CDH18: variants seen among roughly 807,000 people sequenced by gnomAD.
CDH18 encodes cadherin-18.
In CDH18, 31 loss-of-function variants were observed where a neutral mutation model predicts 67.9. That is an observed-to-expected ratio of 0.46 (90% CI 0.34 to 0.62). The LOEUF is 0.62. CDH18 is among the 20% of genes least tolerant of loss of function. CDH18 has a pLI of 0.01. For synonymous variants in CDH18, 362 were observed against 347.2 expected (o/e 1.04, Z -0.48); for missense variants, 890 against 975.5 (o/e 0.91, Z 1.17).
chr5:19,996,314 A>C (rs914394996), intron 2 of CDH18, among the ~76,000 whole-genome samples: 1 of 152,050 alleles, frequency 6.6e-6, no homozygotes, highest in African/African-American at 2.4e-5. Flanking sequence ...ATTTTCAGTA[A>C]ATTATCAGCA....
chr5:20,352,509 G>T (rs1024373175), intron 1 of CDH18, among the ~76,000 whole-genome samples: 7 of 151,676 alleles, frequency 4.6e-5, no homozygotes, highest in South Asian at 4.2e-4. Flanking sequence ...GACAGACACG[G>T]GTGGCTCACG....
chr5:20,169,784 GA>G (rs906927287), intron 2 of CDH18, among the ~76,000 whole-genome samples: 2 of 151,852 alleles, frequency 1.3e-5, no homozygotes, highest in African/African-American at 2.4e-5. Context: ...TTCAATTGGA[GA>G]AAAAAATGTA....
intron 1 of CDH18, among the ~76,000 whole-genome samples, chr5:20,398,562 C>T (rs1745474027): frequency 6.6e-6 from 1 of 152,106 alleles, no homozygotes; most frequent in Non-Finnish European, 1.5e-5. Flanking sequence ...AATGAAACGT[C>T]CTAATGCGGG....
At chr5:20,025,074 G>A (rs1489332326) in intron 2 of CDH18, among the ~76,000 whole-genome samples, 1 of 152,106 alleles carries the variant, frequency 6.6e-6, no homozygotes. Context: ...TGTTCCTTCT[G>A]CCCAAAATAG....
intron 2 of CDH18, among the ~76,000 whole-genome samples, chr5:20,075,379 T>G (rs1389199475): frequency 3.3e-5 from 5 of 152,144 alleles, no homozygotes; most frequent in Non-Finnish European, 7.3e-5. Context: ...GCTGTGTGGC[T>G]GTAGCCCCAG....
At chr5:20,107,220 A>G (rs1747028186) in intron 2 of CDH18, among the ~76,000 whole-genome samples, 1 of 151,952 alleles carries the variant, frequency 6.6e-6, no homozygotes, top group African/African-American at 2.4e-5. Flanking sequence ...AGCTGGGACT[A>G]CAGGCGCCCT....
At chr5:19,912,201 C>T (rs932227484) in intron 2 of CDH18, among the ~76,000 whole-genome samples, 4 of 151,460 alleles carry the variant, frequency 2.6e-5, no homozygotes, top group East Asian at 1.9e-4. Flanking sequence ...AAACACTTAA[C>T]GGCTTCGTAA....
intron 11 of CDH18, among the ~76,000 whole-genome samples, chr5:19,489,782 A>G (rs527464693): frequency 6.6e-6 from 1 of 152,228 alleles, no homozygotes; most frequent in Middle Eastern, 3.2e-3. Context: ...ACAAATACAC[A>G]TGAAACAACT....
Position 19,838,366 on chromosome 5 carries a change from T to C in CDH18, c.228+393A>G, listed in dbSNP as rs943919304. ...TTTAGCCACATGTGCAGGAGCAATA[T>C]GTGAAAATAGCAGTAAATGTCAGTG... On this transcript the variant is annotated intron_variant, in intron 3 of 12. Transcript: ENST00000382275. Among the ~76,000 whole-genome samples, 5 of 152,140 alleles carry C rather than the reference T, an allele frequency of 3.3e-5. No homozygotes were observed. In the South Asian group the frequency reaches 1.0e-3, roughly 31 times the overall value.
At chr5:20,347,265 TG>T (rs1303919970) in intron 1 of CDH18, among the ~76,000 whole-genome samples, 1 of 152,160 alleles carries the variant, frequency 6.6e-6, no homozygotes, top group Non-Finnish European at 1.5e-5. Context: ...GTGATGCAGA[TG>T]GCACCCCACA....
intron 1 of CDH18, among the ~76,000 whole-genome samples, chr5:20,270,445 C>G (rs1465415376): frequency 6.6e-6 from 1 of 152,066 alleles, no homozygotes; most frequent in Non-Finnish European, 1.5e-5. Flanking sequence ...TAATTTCACA[C>G]CAGTCAGAAT....
intron 1 of CDH18, among the ~76,000 whole-genome samples, chr5:20,363,340 C>G (rs763155150): frequency 1.1e-4 from 17 of 151,980 alleles, no homozygotes; most frequent in Admixed American, 5.3e-4. Context: ...CGAAAGTAAG[C>G]CAGGTGTGGT....
chr5:19,925,086 T>C (rs1457210119), intron 2 of CDH18, among the ~76,000 whole-genome samples: 3 of 152,180 alleles, frequency 2.0e-5, no homozygotes, highest in African/African-American at 7.2e-5. Flanking sequence ...ATATACTGTA[T>C]TCTTGCAATA....
intron 2 of CDH18, among the ~76,000 whole-genome samples, chr5:19,880,239 A>G: frequency 6.6e-6 from 1 of 151,986 alleles, no homozygotes; most frequent in East Asian, 1.9e-4. Flanking sequence ...GTCATTCAAA[A>G]GTTACCAAAA....
At chr5:19,559,332 G>A (rs1739018518) in intron 8 of CDH18, among the ~76,000 whole-genome samples, 1 of 151,910 alleles carries the variant, frequency 6.6e-6, no homozygotes, top group Admixed American at 6.6e-5. Context: ...CACCATGATC[G>A]AGTAGGTTTC....
At chr5:19,683,760 T>C (rs1016287294) in intron 5 of CDH18, among the ~76,000 whole-genome samples, 15 of 152,164 alleles carry the variant, frequency 9.9e-5, no homozygotes, top group Admixed American at 2.0e-4. Flanking sequence ...CTGTAAGAGC[T>C]TTCCAATACA....
chr5:20,192,729 C>A (rs188937316), intron 2 of CDH18, among the ~76,000 whole-genome samples: 1 of 151,932 alleles, frequency 6.6e-6, no homozygotes, highest in African/African-American at 2.4e-5. Flanking sequence ...TTGGTACCAG[C>A]ACCATGCTCT....
rs375901579 is a variant in CDH18 at position 19,788,899 on chromosome 5, C to T, written c.229-41663G>A. ...GGCCTTTCTCTTCTATTTTCCCTAA[C>T]TCTGGTTTTAGCAGTTGCTGCCTTA... On this transcript the variant is annotated intron_variant, in intron 3 of 12. Coordinates refer to ENST00000382275, the MANE Select transcript of CDH18 (RefSeq NM_004934.5). Among the ~76,000 whole-genome samples the T allele has an allele frequency of 6.1e-4, 93 of 152,290 alleles. No homozygotes were observed. In the South Asian group the frequency reaches 0.018, roughly 30 times the overall value.
At chr5:20,446,053 T>A (rs933438411) in intron 1 of CDH18, among the ~76,000 whole-genome samples, 1 of 152,162 alleles carries the variant, frequency 6.6e-6, no homozygotes, top group Non-Finnish European at 1.5e-5. Flanking sequence ...AAACTGCATA[T>A]GTTTTTACCC....
Sources: gnomAD v4.1 joint callset for allele counts (sites outside exome capture counted in the v4.1 genomes callset) on GRCh38, gnomAD v4.1.1 for gene constraint, MANE v1.5 for transcripts, NCBI Gene and HGNC (gene_info 2026-07-23, HGNC 2026-07-21) for gene names.